CSTF3: variants seen among roughly 807,000 people sequenced by gnomAD.
The protein encoded by CSTF3 is cleavage stimulation factor subunit 3, also known as CF-1 77 kDa subunit.
In CSTF3, 29 loss-of-function variants were observed where a neutral mutation model predicts 105.8. That is an observed-to-expected ratio of 0.27 (90% CI 0.20 to 0.37). The LOEUF is 0.37. Ranked by LOEUF, CSTF3 falls within the 10% of genes least tolerant of loss-of-function variation. The probability of loss-of-function intolerance (pLI) is 1.00; values close to 1 mark genes in which losing one functional copy is unlikely to be tolerated. For synonymous variants in CSTF3, 252 were observed against 281.9 expected, an observed-to-expected ratio of 0.89 and a Z score of 1.06; for missense variants, 357 against 879.3, an observed-to-expected ratio of 0.41 and a Z score of 7.51.
chr11:33,098,885 A>ATAG, intron 12 of CSTF3, 121 bp from the exon 13 acceptor site: 1 of 1,310,064 alleles, frequency 7.6e-7, no homozygotes, highest in Non-Finnish European at 1.0e-6. Flanking sequence ...GAGCATAAAT[A>ATAG]TAGTATAAGC....
At chr11:33,108,565 G>A (rs1855349040) in intron 3 of CSTF3, 147 bp from the exon 4 acceptor site, 1 of 522,526 alleles carries the variant, frequency 1.9e-6, no homozygotes, top group African/African-American at 2.0e-5. Flanking sequence ...ACAGAAGTGT[G>A]AAGCAAACAT....
intron 17 of CSTF3, among the ~76,000 whole-genome samples, chr11:33,089,263 C>G (rs981141659): frequency 1.3e-5 from 2 of 151,088 alleles, no homozygotes; most frequent in Non-Finnish European, 2.9e-5. Flanking sequence ...AGGAGATCAC[C>G]TGAGCCCAGG....
In CSTF3 at chr11:33,084,818, C is replaced by T. The variant is rs945265656; in HGVS notation, c.*269G>A. 1.3e-5 allele frequency: 6 copies of T among 463,326 alleles called. No homozygotes were observed. Among genetic ancestry groups the T allele is most frequent in the Non-Finnish European group, 2.3e-5 (6 of 256,676 alleles). The allele number at this position is 463,326 out of a possible 1,614,324, so 28.7% of individuals were successfully genotyped here. A position where few individuals can be genotyped will look rare whatever the true frequency, so the allele number is the denominator to read the frequency against. On this transcript the variant is annotated 3_prime_UTR_variant, in exon 21 of 21. Coordinates refer to ENST00000323959, the MANE Select transcript of CSTF3 (RefSeq NM_001326.3). ...TCTTCAAGCGGCACATACAAGACAC[C>T]CTTGAAGAGGGAACAAAATGTGGTT...
chr11:33,136,240 T>C (rs1855651709), intron 3 of CSTF3: 1 of 152,322 alleles, frequency 6.6e-6, no homozygotes, highest in South Asian at 2.1e-4. Flanking sequence ...AAAATCTAGA[T>C]GCAGACTTCA....
intron 3 of CSTF3, among the ~76,000 whole-genome samples, chr11:33,131,175 T>C (rs1179430894): frequency 6.6e-6 from 1 of 152,230 alleles, no homozygotes; most frequent in African/African-American, 2.4e-5. Flanking sequence ...TATGGAAGTA[T>C]GGAGAATAGC....
rs762115559 is a variant in CSTF3, at chr11:33,141,697, G to A, written c.195C>T (p.Gly65=). The A allele has an allele frequency of 6.2e-7, 1 of 1,612,478 alleles. No individual in the cohort carries two copies. The highest frequency in any genetic ancestry group is 1.7e-5 in the Admixed American group (1 of 59,690). ...CTTCAATGTACAGTTTCCAGAATCT[G>A]CCAGAACTGGGGAACTGGGCAACAA... is the stretch of plus-strand genomic sequence containing the variant. ...ERLVAQFPSS[G]RFWKLYIEAE... is the part of the protein sequence containing the mutation. The change falls in exon 3 of 21, where the codon GGC becomes GGT. Residue 65 remains glycine, a synonymous_variant. Coordinates refer to ENST00000323959, the MANE Select transcript of CSTF3 (RefSeq NM_001326.3).
At chr11:33,134,180 GT>G (rs1234514714) in intron 3 of CSTF3, among the ~76,000 whole-genome samples, 1 of 152,160 alleles carries the variant, frequency 6.6e-6, no homozygotes, top group African/African-American at 2.4e-5. Flanking sequence ...TTTTTTGTAA[GT>G]TCAAAGTAAT....
At chr11:33,117,794 T>C (rs1348278429) in intron 3 of CSTF3, among the ~76,000 whole-genome samples, 1 of 151,966 alleles carries the variant, frequency 6.6e-6, no homozygotes, top group East Asian at 1.9e-4. Context: ...GGATGAGATA[T>C]AGATATATAC....
At chr11:33,154,709 C>G (rs1315949224) in intron 1 of CSTF3, among the ~76,000 whole-genome samples, 1 of 152,024 alleles carries the variant, frequency 6.6e-6, no homozygotes, top group Non-Finnish European at 1.5e-5. Flanking sequence ...ACTAGCCAGG[C>G]TGGTCTCAAA....
Position 33,161,332 on chromosome 11 carries a change from A to G in CSTF3, c.-7T>C. The G allele has an allele frequency of 6.2e-7, 1 of 1,612,818 alleles. No individual in the cohort carries two copies. Among genetic ancestry groups the G allele is most frequent in the South Asian group, 1.1e-5 (1 of 91,082 alleles). Reference sequence around the variant, plus strand: ...TGGCTCCGTCTCCTGACATGGCCTCAGCTGATTACAACGTGCGCACTGACC... The same window carrying G: ...TGGCTCCGTCTCCTGACATGGCCTCGGCTGATTACAACGTGCGCACTGACC... On this transcript the variant is annotated 5_prime_UTR_variant, in exon 1 of 21. Coordinates refer to ENST00000323959, the MANE Select transcript of CSTF3 (RefSeq NM_001326.3).
intron 1 of CSTF3, among the ~76,000 whole-genome samples, chr11:33,142,736 T>C (rs977938997): frequency 6.6e-5 from 10 of 152,308 alleles, no homozygotes; most frequent in African/African-American, 2.4e-4. Flanking sequence ...TTACATGTTT[T>C]TTCTTTATAA....
intron 3 of CSTF3, among the ~76,000 whole-genome samples, chr11:33,109,701 T>A (rs1855361100): frequency 6.6e-6 from 1 of 152,242 alleles, no homozygotes. Flanking sequence ...AATTATCATT[T>A]ACTTTTATTA....
chr11:33,102,991 T>C (rs1170232941), intron 9 of CSTF3, 116 bp downstream of exon 9: 11 of 666,192 alleles, frequency 1.7e-5, no homozygotes, highest in East Asian at 1.2e-4. Context: ...TTGCAATTAA[T>C]TGCTGTTAAG....
At position 33,090,933 on chromosome 11, in the gene CSTF3, T is replaced by A. The variant is rs866925549; in HGVS notation, c.1446-206A>T. Among the ~76,000 whole-genome samples the A allele has an allele frequency of 8.5e-5, 13 of 152,340 alleles. No homozygotes were observed. In the Middle Eastern group the frequency reaches 0.014, roughly 159 times the overall value. The stretch of plus-strand genomic sequence containing the variant: ...CCTATATTGCTAATATTTTGCCATA[T>A]TTGCTTCATCTTATTTTTGCTTAAG... On this transcript the variant is annotated intron_variant, in intron 16 of 20. Coordinates refer to ENST00000323959, the MANE Select transcript of CSTF3 (RefSeq NM_001326.3).
At chr11:33,152,861 G>A (rs1329004854) in intron 1 of CSTF3, among the ~76,000 whole-genome samples, 1 of 152,006 alleles carries the variant, frequency 6.6e-6, no homozygotes, top group African/African-American at 2.4e-5. Context: ...GGGAAGGTGA[G>A]GCAGGAGAAT....
At chr11:33,122,253 T>C (rs1266881038) in intron 3 of CSTF3, among the ~76,000 whole-genome samples, 1 of 152,196 alleles carries the variant, frequency 6.6e-6, no homozygotes, top group Non-Finnish European at 1.5e-5. Flanking sequence ...TAGAATATAA[T>C]CCTTATATAT....
intron 17 of CSTF3, among the ~76,000 whole-genome samples, chr11:33,087,342 A>G (rs1456827528): frequency 1.3e-5 from 2 of 152,224 alleles, no homozygotes; most frequent in Non-Finnish European, 2.9e-5. Context: ...TCAGTGTATC[A>G]TAACTTTACC....
chr11:33,129,098 T>C (rs940945166), intron 3 of CSTF3, among the ~76,000 whole-genome samples: 7 of 152,188 alleles, frequency 4.6e-5, no homozygotes, highest in Admixed American at 4.6e-4. Flanking sequence ...TGGAAGAACC[T>C]GAAAAAAGAC....
intron 1 of CSTF3, among the ~76,000 whole-genome samples, chr11:33,151,266 C>CT (rs1451371295): frequency 2.4e-4 from 37 of 152,138 alleles, no homozygotes; most frequent in African/African-American, 8.9e-4. Flanking sequence ...TCATGGCCCA[C>CT]TGCAGCCTCA....
Sources: allele counts gnomAD v4.1 joint callset (sites outside exome capture counted in the v4.1 genomes callset), GRCh38; gene constraint gnomAD v4.1.1; transcripts MANE v1.5; gene names NCBI Gene and HGNC (gene_info 2026-07-23, HGNC 2026-07-21).